LIPI: variants seen among roughly 807,000 people sequenced by gnomAD.
The protein encoded by LIPI is lipase member I.
Under a neutral mutation model 50.6 loss-of-function variants are expected in LIPI, and 59 were observed. The ratio of observed to expected loss-of-function variants is 1.16; its 90% confidence interval spans 0.94 to 1.45. LIPI has a LOEUF of 1.45. Among genes scored for constraint, LIPI ranks in the 40% most tolerant of loss-of-function variants. LIPI has a pLI of 0.00. For missense variants in LIPI, 586 were observed against 536.3 expected, an observed-to-expected ratio of 1.09 and a Z score of -0.92; for synonymous variants, 203 against 178.2, an observed-to-expected ratio of 1.14 and a Z score of -1.11.
In LIPI at chr21:14,144,848, A is replaced by G. The variant is rs779909404; in HGVS notation, c.1119-49T>C. The G allele has an allele frequency of 3.1e-6, 4 of 1,297,936 alleles. No individual in the cohort carries two copies. The Admixed American group carries it at 5.3e-5, about 17-fold the overall frequency. The allele number at this position is 1,297,936 out of a possible 1,614,324, so 80.4% of individuals were successfully genotyped here. ...CAGCATATTAATAATTTGAAACATA[A>G]CTCAATTCTAAAATCAATATAATCC... On this transcript the variant is annotated intron_variant, in intron 8 of 9. Coordinates refer to ENST00000681601, the MANE Select transcript of LIPI (RefSeq NM_001302998.2).
chr21:14,110,369 A>G (rs2016355415), intron 9 of LIPI, among the ~76,000 whole-genome samples: 1 of 151,648 alleles, frequency 6.6e-6, no homozygotes, highest in Non-Finnish European at 1.5e-5. Flanking sequence ...TTTTAAATTC[A>G]TAAAATTCTA....
At chr21:14,203,007 T>A (rs1181467923) in intron 1 of LIPI, among the ~76,000 whole-genome samples, 1 of 151,330 alleles carries the variant, frequency 6.6e-6, no homozygotes, top group Non-Finnish European at 1.5e-5. Context: ...AACAAACCCA[T>A]CAAAAAGTGG....
At chr21:14,196,789 G>A (rs1352676538) in intron 1 of LIPI, among the ~76,000 whole-genome samples, 2 of 152,054 alleles carry the variant, frequency 1.3e-5, no homozygotes, top group Non-Finnish European at 2.9e-5. Flanking sequence ...TAGCACCACT[G>A]CACTCCAGCC....
At chr21:14,111,956 G>A (rs1213124029) in intron 9 of LIPI, among the ~76,000 whole-genome samples, 3 of 152,032 alleles carry the variant, frequency 2.0e-5, no homozygotes, top group Non-Finnish European at 4.4e-5. Context: ...CACCCGAATA[G>A]TGAATGTTGT....
chr21:14,140,433 T>C (rs866510978), intron 9 of LIPI, among the ~76,000 whole-genome samples: 6 of 152,120 alleles, frequency 3.9e-5, no homozygotes, highest in Admixed American at 3.3e-4. Context: ...ATCTATGTCA[T>C]ATACATTACA....
intron 1 of LIPI, among the ~76,000 whole-genome samples, chr21:14,200,110 A>G (rs1160529160): frequency 1.3e-5 from 2 of 152,122 alleles, no homozygotes; most frequent in African/African-American, 4.8e-5. Context: ...CCTCAAGATA[A>G]TAAGAGCCAT....
intron 4 of LIPI, among the ~76,000 whole-genome samples, chr21:14,172,694 C>T (rs1193742514): frequency 1.3e-5 from 2 of 149,192 alleles, no homozygotes; most frequent in Non-Finnish European, 3.0e-5. Context: ...AGAAGGGGAA[C>T]ATCACACTCT....
In LIPI at chr21:14,108,922, A is replaced by C; in HGVS notation, c.*71T>G. 1 of 1,586,534 alleles carries C rather than the reference A, an allele frequency of 6.3e-7. No homozygotes were observed. ...CTCAAATTGAACAGTGCATTATAAA[A>C]GACTGATTGCATTGTTTCATTTACA... On this transcript the variant is annotated 3_prime_UTR_variant, in exon 10 of 10. Transcript: ENST00000681601.
At chr21:14,166,239 CTGAGTCATGGGCAA>C (rs2018678149) in intron 5 of LIPI, 109 bp downstream of exon 5, 2 of 722,124 alleles carry the variant, frequency 2.8e-6, no homozygotes, top group Non-Finnish European at 5.0e-6. Context: ...AATGACTCTC[CTGAGTCATGGGCAA>C]TGATGATGAA....
chr21:14,121,109 A>G (rs2016845422), intron 9 of LIPI, among the ~76,000 whole-genome samples: 1 of 152,222 alleles, frequency 6.6e-6, no homozygotes, highest in African/African-American at 2.4e-5. Context: ...CAGAAAAGGC[A>G]TGAGAAATAA....
At chr21:14,188,371 C>G (rs1004736935) in intron 2 of LIPI, among the ~76,000 whole-genome samples, 1 of 151,880 alleles carries the variant, frequency 6.6e-6, no homozygotes, top group East Asian at 1.9e-4. Flanking sequence ...AGTTCGAGAC[C>G]AGCCTGGCCA....
intron 2 of LIPI, 108 bp downstream of exon 2, chr21:14,188,926 T>C: frequency 4.2e-6 from 4 of 957,350 alleles, no homozygotes; most frequent in Non-Finnish European, 6.6e-6. Flanking sequence ...TGGGGAAAAG[T>C]ATATAGTTTA....
Position 14,204,501 on chromosome 21 carries a change from CA to C in LIPI, c.46+6298del, listed in dbSNP as rs1175207143. ...GTGCAGTGCAATTCTAAAATAATCT[CA>C]ATACAATAACTAAGGAGAGGCAGAA... On this transcript the variant is annotated intron_variant, in intron 1 of 9. Transcript: ENST00000681601. 2.0e-5 allele frequency among the ~76,000 whole-genome samples: 3 copies of C among 151,698 alleles called. No individual in the cohort carries two copies. In the East Asian group the frequency reaches 5.8e-4, roughly 29 times the overall value.
At chr21:14,118,497 G>C (rs1013151038) in intron 9 of LIPI, among the ~76,000 whole-genome samples, 1 of 152,174 alleles carries the variant, frequency 6.6e-6, no homozygotes, top group Non-Finnish European at 1.5e-5. Flanking sequence ...ATTAGGAAGA[G>C]ACTTACTACA....
intron 7 of LIPI, among the ~76,000 whole-genome samples, chr21:14,162,369 T>C (rs2018529667): frequency 6.6e-6 from 1 of 151,706 alleles, no homozygotes; most frequent in South Asian, 2.1e-4. Flanking sequence ...TGATGAACTG[T>C]TCAGCAGCTT....
chr21:14,179,074 C>A (rs999587165), intron 4 of LIPI, among the ~76,000 whole-genome samples: 1 of 152,064 alleles, frequency 6.6e-6, no homozygotes, highest in Non-Finnish European at 1.5e-5. Flanking sequence ...AGATGTTTTG[C>A]AAACCCAATA....
chr21:14,124,920 G>A lies in LIPI; in HGVS notation c.1296-15840C>T, dbSNP rs113838797. On this transcript the variant is annotated intron_variant, in intron 9 of 9. Coordinates refer to ENST00000681601, the MANE Select transcript of LIPI (RefSeq NM_001302998.2). The stretch of plus-strand genomic sequence containing the variant: ...TGAGGCAGGAGAATTGCTTGAACCC[G>A]GGAGGTGGAGGTTGCGGTGAGCCAA... Among the ~76,000 whole-genome samples, 1,068 of 152,194 alleles carry A rather than the reference G, an allele frequency of 7.0e-3. 18 individuals carry two copies. The highest frequency in any genetic ancestry group is 0.022 in the African/African-American group (897 of 41,520).
chr21:14,162,090 T>C (rs2018518594), intron 7 of LIPI, among the ~76,000 whole-genome samples: 1 of 149,236 alleles, frequency 6.7e-6, no homozygotes, highest in South Asian at 2.1e-4. Flanking sequence ...TAGATCAATA[T>C]GTATTGATAT....
intron 4 of LIPI, among the ~76,000 whole-genome samples, chr21:14,172,888 G>A (rs574321111): frequency 1.3e-4 from 19 of 151,700 alleles, no homozygotes; most frequent in African/African-American, 4.4e-4. Context: ...AAAATAAAAA[G>A]AAAAAAGAAT....
Sources: allele counts gnomAD v4.1 joint callset (sites outside exome capture counted in the v4.1 genomes callset), GRCh38; gene constraint gnomAD v4.1.1; transcripts MANE v1.5; gene names NCBI Gene and HGNC (gene_info 2026-07-23, HGNC 2026-07-21).